Variants in DLC1 observed in about 807,000 individuals in gnomAD.
The protein encoded by DLC1 is rho GTPase-activating protein 7.
A neutral mutation model predicts 140.3 loss-of-function variants in DLC1; 54 were observed. That is an observed-to-expected ratio of 0.38 (90% CI 0.31 to 0.48). DLC1 has a LOEUF of 0.48. Among genes scored for constraint, DLC1 ranks in the 20% least tolerant of loss-of-function variants. DLC1 has a pLI of 0.96. For missense variants in DLC1, 2,536 were observed against 1,907.0 expected (o/e 1.33, Z -6.14); for synonymous variants, 986 against 728.1 (o/e 1.35, Z -5.70).
chr8:13,288,093 CA>C (rs1374780113), intron 5 of DLC1, among the ~76,000 whole-genome samples: 1 of 151,938 alleles, frequency 6.6e-6, no homozygotes. Flanking sequence ...TCAGCAAAAC[CA>C]AAAGCCTACT....
intron 5 of DLC1, among the ~76,000 whole-genome samples, chr8:13,116,959 G>T (rs1021339033): frequency 6.6e-6 from 1 of 152,242 alleles, no homozygotes; most frequent in Non-Finnish European, 1.5e-5. Context: ...GCGAATGATA[G>T]TGACATCAGT....
chr8:13,583,007 C>A (rs1805169520), intron 1 of DLC1, among the ~76,000 whole-genome samples: 1 of 150,178 alleles, frequency 6.7e-6, no homozygotes, highest in African/African-American at 2.5e-5. Context: ...TCTAAGTCTT[C>A]AGTGAGTTGT....
intron 5 of DLC1, among the ~76,000 whole-genome samples, chr8:13,192,171 G>T (rs534959758): frequency 6.6e-6 from 1 of 151,712 alleles, no homozygotes; most frequent in South Asian, 2.1e-4. Flanking sequence ...GGCTGGTCTC[G>T]AACTCCTGAC....
intron 5 of DLC1, among the ~76,000 whole-genome samples, chr8:13,243,115 A>G (rs551202179): frequency 1.4e-5 from 2 of 143,462 alleles, no homozygotes; most frequent in African/African-American, 5.9e-5. Context: ...CATGGCAAAA[A>G]CCCATCTCTA....
At chr8:13,270,411 C>G (rs1830882821) in intron 5 of DLC1, among the ~76,000 whole-genome samples, 2 of 152,158 alleles carry the variant, frequency 1.3e-5, no homozygotes, top group African/African-American at 2.4e-5. Context: ...ATATTTTTTC[C>G]CATACCACAG....
chr8:13,375,340 A>G (rs560565886), intron 4 of DLC1, among the ~76,000 whole-genome samples: 1 of 152,194 alleles, frequency 6.6e-6, no homozygotes, highest in South Asian at 2.1e-4. Flanking sequence ...AATGCTTGTG[A>G]TTTTTGCACA....
chr8:13,500,863 C>T (rs1801781214), intron 1 of DLC1, among the ~76,000 whole-genome samples: 3 of 152,286 alleles, frequency 2.0e-5, no homozygotes, highest in Non-Finnish European at 4.4e-5. Flanking sequence ...CATCCTACTA[C>T]TGCTACTACT....
At chr8:13,118,785 T>C (rs1261313811) in intron 5 of DLC1, among the ~76,000 whole-genome samples, 4 of 152,166 alleles carry the variant, frequency 2.6e-5, no homozygotes, top group Admixed American at 2.0e-4. Flanking sequence ...CATTACTTTC[T>C]CTCTAATCTA....
chr8:13,375,211 T>C (rs373833496), intron 4 of DLC1, among the ~76,000 whole-genome samples: 1 of 152,056 alleles, frequency 6.6e-6, no homozygotes, highest in African/African-American at 2.4e-5. Flanking sequence ...GTATTTTTAG[T>C]AGAGACGGGG....
At position 13,364,411 on chromosome 8, in the gene DLC1, G is replaced by A. The variant is rs557824317; in HGVS notation, c.1314+29142C>T. ...TCTCCCAGGTTCAAGCCAGTCTCCTGCCTCAGCCTCCTGAGTAGCTGAGAT... is the reference window on the plus strand; with the variant it reads ...TCTCCCAGGTTCAAGCCAGTCTCCTACCTCAGCCTCCTGAGTAGCTGAGAT... On this transcript the variant is annotated intron_variant, in intron 4 of 17. Transcript: ENST00000276297. 2.0e-5 allele frequency among the ~76,000 whole-genome samples: 3 copies of A among 151,762 alleles called. No individual in the cohort carries two copies. In the East Asian group the frequency reaches 5.8e-4, roughly 30 times the overall value.
intron 9 of DLC1, among the ~76,000 whole-genome samples, chr8:13,098,999 C>G (rs140528669): frequency 4.6e-5 from 7 of 152,150 alleles, no homozygotes; most frequent in South Asian, 2.1e-4. Context: ...GACTTGATTT[C>G]TATCCCATGC....
intron 1 of DLC1, among the ~76,000 whole-genome samples, chr8:13,506,581 G>GTGTGTATGTA (rs1246764417): frequency 7.6e-6 from 1 of 131,142 alleles, no homozygotes; most frequent in South Asian, 2.5e-4. Context: ...GTGTGTGTGT[G>GTGTGTATGTA]TATATATATA....
intron 5 of DLC1, among the ~76,000 whole-genome samples, chr8:13,187,198 C>G (rs914545753): frequency 1.3e-5 from 2 of 152,040 alleles, no homozygotes; most frequent in Admixed American, 1.3e-4. Flanking sequence ...AGAATCTATA[C>G]AGAATGTATA....
intron 2 of DLC1, among the ~76,000 whole-genome samples, chr8:13,492,507 T>C (rs944209430): frequency 6.8e-6 from 1 of 147,724 alleles, no homozygotes; most frequent in Non-Finnish European, 1.5e-5. Flanking sequence ...TCTGTCTCTC[T>C]CTCTCTCTCT....
chr8:13,311,675 A>G (rs1415682318), intron 4 of DLC1, among the ~76,000 whole-genome samples: 1 of 152,184 alleles, frequency 6.6e-6, no homozygotes, highest in Non-Finnish European at 1.5e-5. Flanking sequence ...AGCTTTATTT[A>G]TACTATATGG....
chr8:13,317,724 A>C (rs1007283364), intron 4 of DLC1, among the ~76,000 whole-genome samples: 1 of 152,096 alleles, frequency 6.6e-6, no homozygotes, highest in East Asian at 1.9e-4. Context: ...GAAAGGGAGA[A>C]GTTCAAATTA....
intron 2 of DLC1, among the ~76,000 whole-genome samples, chr8:13,426,349 C>T (rs1231181989): frequency 6.6e-6 from 1 of 152,164 alleles, no homozygotes; most frequent in Non-Finnish European, 1.5e-5. Context: ...CTCTAAATCA[C>T]ACACTTGTGC....
intron 5 of DLC1, among the ~76,000 whole-genome samples, chr8:13,303,306 G>A (rs183101473): frequency 5.6e-4 from 85 of 152,184 alleles, no homozygotes; most frequent in Non-Finnish European, 1.0e-3. Flanking sequence ...GATCACATAT[G>A]TCATCTTATG....
chr8:13,193,212 T>G (rs1417339732), intron 5 of DLC1, among the ~76,000 whole-genome samples: 32 of 152,188 alleles, frequency 2.1e-4, no homozygotes, highest in Admixed American at 2.1e-3. Flanking sequence ...GCTCTTATAT[T>G]ATTATCCTGT....
Sources: gnomAD v4.1 joint callset for allele counts (sites outside exome capture counted in the v4.1 genomes callset) on GRCh38, gnomAD v4.1.1 for gene constraint, MANE v1.5 for transcripts, NCBI Gene and HGNC (gene_info 2026-07-23, HGNC 2026-07-21) for gene names.